The following SCART1 variants were observed in gnomAD, a reference collection of about 807,000 sequenced individuals.
SCART1 encodes scavenger receptor cysteine-rich domain-containing protein SCART1.
SCART1 carries 62 observed loss-of-function variants against 36.2 expected under a neutral mutation model. That is an observed-to-expected ratio of 1.71 (90% CI 1.40 to 2.12). SCART1 has a LOEUF of 2.12. SCART1 is among the 30% of genes most tolerant of loss of function. SCART1 has a pLI of 0.00. For synonymous variants in SCART1, 487 were observed against 238.7 expected (o/e 2.04, Z -9.59); for missense variants, 1,041 against 540.5 (o/e 1.93, Z -9.18).
At chr10:133,468,101 A>C in exon 12 of SCART1, 2 of 558,072 alleles carry the variant, frequency 3.6e-6, no homozygotes, top group Non-Finnish European at 6.5e-6. Flanking sequence ...TCCATGTAAA[A>C]TCCAGTCCTT....
intron 3 of SCART1, chr10:133,458,095 C>T (rs879941001): frequency 1.5e-5 from 10 of 670,074 alleles, no homozygotes; most frequent in Admixed American, 2.3e-5. Context: ...GTCATGGCCT[C>T]GGACAGGCAG....
At chr10:133,459,160 C>T (rs1432495032) in exon 5 of SCART1, 4 of 702,812 alleles carry the variant, frequency 5.7e-6, no homozygotes, top group African/African-American at 1.7e-5. Flanking sequence ...ACTGTGGCAA[C>T]GCGGTGGCCG....
exon 3 of SCART1, chr10:133,457,562 G>A: frequency 1.4e-6 from 1 of 700,180 alleles, no homozygotes; most frequent in Non-Finnish European, 2.6e-6. Flanking sequence ...TGGACGCAGA[G>A]GTGGTCTGCT....
At chr10:133,466,471 C>CG (rs1850767415) in intron 10 of SCART1, 90 bp downstream of exon 10, 1 of 647,336 alleles carries the variant, frequency 1.5e-6, no homozygotes, top group African/African-American at 1.8e-5. Flanking sequence ...TCTGGGCAGG[C>CG]GGGGTGCCCC....
intron 6 of SCART1, among the ~76,000 whole-genome samples, chr10:133,462,065 T>C (rs1850709076): frequency 6.6e-6 from 1 of 152,246 alleles, no homozygotes; most frequent in Non-Finnish European, 1.5e-5. Context: ...CGGTCACTTC[T>C]GGCCCCTCCA....
intron 2 of SCART1, among the ~76,000 whole-genome samples, chr10:133,456,807 G>C (rs371137990): frequency 6.6e-6 from 1 of 152,188 alleles, no homozygotes; most frequent in Non-Finnish European, 1.5e-5. Flanking sequence ...AGCAGAGTGC[G>C]GCCCAGGCGT....
At chr10:133,459,348 G>T in intron 5 of SCART1, 22 bp downstream of exon 5, 1 of 621,700 alleles carries the variant, frequency 1.6e-6, no homozygotes, top group South Asian at 1.8e-5. Context: ...CAGGACGGTG[G>T]ACCAGGAGGG....
At chr10:133,466,193 C>A (rs573692757) in intron 9 of SCART1, 42 bp from the exon 10 acceptor site, 2 of 690,118 alleles carry the variant, frequency 2.9e-6, no homozygotes, top group Non-Finnish European at 5.3e-6. Flanking sequence ...GTGTGCAGGT[C>A]CCCCCCACCA....
Position 133,465,089 on chromosome 10 carries a change from T to G in SCART1, c.2276-17T>G, listed in dbSNP as rs1850747497. ...CTCTGGGCACCGAAGCTCTCAGAGC[T>G]GCTGTTTAACCCGCAGGATTGTCAG... On this transcript the variant is annotated splice_polypyrimidine_tract_variant and intron_variant, in intron 7 of 11. Transcript: ENST00000640237. The G allele has an allele frequency of 1.4e-6, 1 of 703,024 alleles. No individual in the cohort carries two copies. Among genetic ancestry groups the G allele is most frequent in the East Asian group, 2.7e-5 (1 of 37,278 alleles). 43.5% of individuals were successfully genotyped at this position (703,024 alleles called of 1,614,324 possible). A position where few individuals can be genotyped will look rare whatever the true frequency, so the allele number is the denominator to read the frequency against.
intron 2 of SCART1, 141 bp downstream of exon 2, chr10:133,456,695 C>A: frequency 1.7e-6 from 1 of 580,872 alleles, no homozygotes; most frequent in East Asian, 2.8e-5. Flanking sequence ...GTCTGGAGCT[C>A]TCTCTGGGAG....
At chr10:133,468,633 T>C (rs1850787836) in exon 12 of SCART1, 1 of 152,212 alleles carries the variant, frequency 6.6e-6, no homozygotes, top group South Asian at 2.1e-4. Flanking sequence ...ATGCTATTTA[T>C]CAGATCAAGG....
At chr10:133,453,973 C>T in exon 1 of SCART1, 1 of 702,972 alleles carries the variant, frequency 1.4e-6, no homozygotes, top group Non-Finnish European at 2.6e-6. Context: ...CGAGAGCTTG[C>T]TGAAGCCCAG....
At chr10:133,467,510 A>G (rs1850775669) in intron 11 of SCART1, among the ~76,000 whole-genome samples, 157 bp downstream of exon 11, 1 of 152,052 alleles carries the variant, frequency 6.6e-6, no homozygotes, top group Admixed American at 6.6e-5. Context: ...GGCAGGGGAG[A>G]GCAGGGCCAC....
chr10:133,459,687 G>T (rs1301583892), exon 6 of SCART1: 1 of 700,020 alleles, frequency 1.4e-6, no homozygotes, highest in South Asian at 1.5e-5. Flanking sequence ...ATCCGTCCAG[G>T]TGGCGCTGAG....
At chr10:133,456,081 G>A (rs1850606270) in intron 1 of SCART1, among the ~76,000 whole-genome samples, 156 bp from the exon 2 acceptor site, 1 of 152,134 alleles carries the variant, frequency 6.6e-6, no homozygotes, top group African/African-American at 2.4e-5. Flanking sequence ...TTCTCTGTGA[G>A]CCGCGCCCAT....
chr10:133,456,424 A>G, exon 2 of SCART1: 1 of 702,776 alleles, frequency 1.4e-6, no homozygotes, highest in Non-Finnish European at 2.6e-6. Context: ...CGCTGCCTGG[A>G]GAGATGGCCC....
chr10:133,457,396 T>C (rs544775565), exon 3 of SCART1: 1 of 701,926 alleles, frequency 1.4e-6, no homozygotes, highest in Non-Finnish European at 2.6e-6. Context: ...GAGGAGGCCA[T>C]GGTGTTCTGC....
chr10:133,457,029 C>T (rs1850625078), intron 2 of SCART1: 1 of 556,932 alleles, frequency 1.8e-6, no homozygotes, highest in Non-Finnish European at 3.1e-6. Context: ...CTGGCCAGGA[C>T]CTCCTACCAT....
chr10:133,465,544 G>T, exon 9 of SCART1: 1 of 540,542 alleles, frequency 1.9e-6, no homozygotes, highest in Non-Finnish European at 3.2e-6. Context: ...GCACGAGGAG[G>T]ACGCGGGCGT....
Sources: gnomAD v4.1 joint callset for allele counts (sites outside exome capture counted in the v4.1 genomes callset) on GRCh38, gnomAD v4.1.1 for gene constraint, MANE v1.5 for transcripts, NCBI Gene and HGNC (gene_info 2026-07-23, HGNC 2026-07-21) for gene names.